NR2F1-AS1: variants seen among roughly 807,000 people sequenced by gnomAD.
NR2F1-AS1 encodes NR2F1 antisense RNA 1.
At position 93,579,413 on chromosome 5, in the gene NR2F1-AS1, C is replaced by A. The variant is rs1182295775; in HGVS notation, n.313+1054G>T. Among the ~76,000 whole-genome samples the A allele has an allele frequency of 6.6e-6, 1 of 152,188 alleles. No homozygotes were observed. The highest frequency in any genetic ancestry group is 6.5e-5 in the Admixed American group (1 of 15,284). On this transcript the variant is annotated intron_variant and non_coding_transcript_variant, in intron 1 of 5. Coordinates refer to ENST00000660523, the Ensembl canonical transcript of NR2F1-AS1. This position sits in a 1 kb window ranked among gnomAD's most constrained non-coding sequence, Gnocchi z 5.1. ...CCCCACCGCTAGGGTCACGCCGGGT[C>A]CCAGGGGCCTCTTTCAAGTTTGAAA... is the stretch of plus-strand genomic sequence containing the variant.
chr5:93,476,706 T>C (rs1750492503), intron 4 of NR2F1-AS1, among the ~76,000 whole-genome samples: 1 of 152,170 alleles, frequency 6.6e-6, no homozygotes, highest in African/African-American at 2.4e-5. Context: ...GGTATCTCAT[T>C]ATTACTTCAC....
intron 4 of NR2F1-AS1, among the ~76,000 whole-genome samples, chr5:93,473,930 A>G (rs1750426354): frequency 6.6e-6 from 1 of 152,030 alleles, no homozygotes; most frequent in Non-Finnish European, 1.5e-5. Context: ...CTAGCTTATA[A>G]AAATATCAGT....
chr5:93,492,942 T>C (rs572571202), intron 4 of NR2F1-AS1, among the ~76,000 whole-genome samples: 1 of 152,080 alleles, frequency 6.6e-6, no homozygotes, highest in East Asian at 1.9e-4. Context: ...TTATGCTCAA[T>C]GGTGAAAGAA....
intron 4 of NR2F1-AS1, among the ~76,000 whole-genome samples, chr5:93,443,985 C>G (rs1368028249): frequency 6.6e-6 from 1 of 152,156 alleles, no homozygotes. Context: ...AAATCCTTTA[C>G]AGACAAGCAA....
At position 93,522,693 on chromosome 5, in the gene NR2F1-AS1, C is replaced by T. The variant is rs190220371; in HGVS notation, n.638+31068G>A. On this transcript the variant is annotated intron_variant and non_coding_transcript_variant, in intron 4 of 5. Transcript: ENST00000660523. Reference sequence around the variant, plus strand: ...TTAGACAGTGGGTGCAGCCCACAGACGGTGAGCCAAAGCAGGGTGAGGCAT... The same window carrying T: ...TTAGACAGTGGGTGCAGCCCACAGATGGTGAGCCAAAGCAGGGTGAGGCAT... Among the ~76,000 whole-genome samples the T allele has an allele frequency of 4.4e-3, 667 of 151,516 alleles. 11 individuals are homozygous for T. The highest frequency in any genetic ancestry group is 0.033 in the Admixed American group (509 of 15,260).
intron 4 of NR2F1-AS1, among the ~76,000 whole-genome samples, chr5:93,485,505 C>G (rs1282760671): frequency 6.6e-6 from 1 of 152,124 alleles, no homozygotes; most frequent in African/African-American, 2.4e-5. Flanking sequence ...GAGGAGAAAG[C>G]AGGAAAGATC....
At chr5:93,511,352 T>A (rs1013364930) in intron 4 of NR2F1-AS1, among the ~76,000 whole-genome samples, 7 of 152,144 alleles carry the variant, frequency 4.6e-5, no homozygotes, top group Non-Finnish European at 7.4e-5. Context: ...ATTTACACCA[T>A]CAGCTCACCT....
chr5:93,559,758 A>C (rs1269549950), intron 2 of NR2F1-AS1, among the ~76,000 whole-genome samples: 4 of 152,260 alleles, frequency 2.6e-5, no homozygotes, highest in African/African-American at 9.6e-5. Context: ...CAGAATACAC[A>C]CATTTATCAA....
At chr5:93,419,061 T>C (rs1749030445) in intron 4 of NR2F1-AS1, among the ~76,000 whole-genome samples, 1 of 152,202 alleles carries the variant, frequency 6.6e-6, no homozygotes, top group African/African-American at 2.4e-5. Context: ...AACATTACCA[T>C]GTTCACTACA....
At chr5:93,550,436 G>A (rs1752199921) in intron 4 of NR2F1-AS1, among the ~76,000 whole-genome samples, 2 of 152,156 alleles carry the variant, frequency 1.3e-5, no homozygotes, top group South Asian at 2.1e-4. Context: ...TGCAAATTGG[G>A]TATTTAGGGA....
At chr5:93,432,060 A>C (rs1184659621) in intron 4 of NR2F1-AS1, among the ~76,000 whole-genome samples, 1 of 152,202 alleles carries the variant, frequency 6.6e-6, no homozygotes, top group Non-Finnish European at 1.5e-5. Flanking sequence ...CCCTGCATAG[A>C]CTATATGCAT....
chr5:93,441,344 CT>C (rs1749564057), intron 4 of NR2F1-AS1, among the ~76,000 whole-genome samples: 1 of 152,200 alleles, frequency 6.6e-6, no homozygotes, highest in African/African-American at 2.4e-5. Flanking sequence ...TGCTGCTAAG[CT>C]TTCTTCCAAT....
chr5:93,446,431 T>C (rs1253920725), intron 4 of NR2F1-AS1, among the ~76,000 whole-genome samples: 1 of 152,166 alleles, frequency 6.6e-6, no homozygotes, highest in Admixed American at 6.5e-5. Context: ...AGCCAAATCA[T>C]GAGTGAACTC....
chr5:93,492,074 A>C (rs149963271), intron 4 of NR2F1-AS1, among the ~76,000 whole-genome samples: 115 of 152,340 alleles, frequency 7.5e-4, no homozygotes, highest in African/African-American at 2.7e-3. Flanking sequence ...TTATAAAAAA[A>C]GAAAGATGAA....
chr5:93,519,966 A>T (rs989186026), intron 4 of NR2F1-AS1, among the ~76,000 whole-genome samples: 2 of 152,054 alleles, frequency 1.3e-5, no homozygotes, highest in African/African-American at 2.4e-5. Context: ...CTCTCTATTT[A>T]TGGAAAGACA....
At chr5:93,520,060 G>A (rs1339472654) in intron 4 of NR2F1-AS1, among the ~76,000 whole-genome samples, 1 of 151,960 alleles carries the variant, frequency 6.6e-6, no homozygotes, top group Non-Finnish European at 1.5e-5. Flanking sequence ...ACTATTTTCA[G>A]TAATATATAG....
At chr5:93,434,538 A>T (rs1749394264) in intron 4 of NR2F1-AS1, among the ~76,000 whole-genome samples, 1 of 152,120 alleles carries the variant, frequency 6.6e-6, no homozygotes, top group African/African-American at 2.4e-5. Context: ...ATGTTTCATT[A>T]CCTGTAAGCA....
intron 4 of NR2F1-AS1, among the ~76,000 whole-genome samples, chr5:93,530,691 A>G (rs1202060559): frequency 6.6e-6 from 1 of 152,214 alleles, no homozygotes; most frequent in Non-Finnish European, 1.5e-5. Context: ...CATTTCATTC[A>G]CTGAGAAAAA....
In NR2F1-AS1 at chr5:93,564,344, A is replaced by G. The variant is rs531175345; in HGVS notation, n.314-881T>C. Among the ~76,000 whole-genome samples, 10 of 152,018 alleles carry G rather than the reference A, an allele frequency of 6.6e-5. No homozygotes were observed. In the South Asian group the frequency reaches 2.1e-3, roughly 32 times the overall value. ...AGATGGTTTTACAATAAAATATATA[A>G]CTCCAACCTCCAGTTACATTGCTAT... On this transcript the variant is annotated intron_variant and non_coding_transcript_variant, in intron 1 of 5. Transcript: ENST00000660523.
Sources: gnomAD v4.1 joint callset for allele counts (sites outside exome capture counted in the v4.1 genomes callset) on GRCh38, gnomAD v4.1.1 for gene constraint, Gnocchi (gnomAD v3.1) non-coding constraint, MANE v1.5 for transcripts, NCBI Gene and HGNC (gene_info 2026-07-23, HGNC 2026-07-21) for gene names.